Variants in MYO1C observed in about 807,000 individuals in gnomAD.
MYO1C encodes the protein unconventional myosin-Ic.
MYO1C carries 104 observed loss-of-function variants against 150.8 expected under a neutral mutation model. The ratio of observed to expected loss-of-function variants is 0.69; its 90% CI spans 0.59 to 0.81. The LOEUF (loss-of-function observed/expected upper bound fraction) is 0.81. Among genes scored for constraint, MYO1C ranks in the 30% least tolerant of loss-of-function variants. The pLI is 0.00. For synonymous variants in MYO1C, 663 were observed against 579.9 expected (o/e 1.14, Z -2.06); for missense variants, 1,504 against 1,435.0 (o/e 1.05, Z -0.78).
At chr17:1,475,998 TCA>T (rs1394024959) in intron 14 of MYO1C, among the ~76,000 whole-genome samples, 2 of 152,188 alleles carry the variant, frequency 1.3e-5, no homozygotes, top group South Asian at 2.1e-4. Flanking sequence ...GGGAAATGCC[TCA>T]CACAGTTAAC....
chr17:1,468,159 A>G (rs898880854), intron 27 of MYO1C, 36 bp from the exon 28 acceptor site: 7 of 1,611,742 alleles, frequency 4.3e-6, no homozygotes, highest in African/African-American at 1.3e-5. Flanking sequence ...GGCTGGGGAG[A>G]GGCTCCCAAG....
intron 1 of MYO1C, chr17:1,492,060 A>C (rs1004056850): frequency 2.8e-6 from 1 of 357,544 alleles, no homozygotes; most frequent in South Asian, 2.4e-5. Flanking sequence ...AGCCCTGCGG[A>C]CTGGAGAGGA....
intron 14 of MYO1C, among the ~76,000 whole-genome samples, chr17:1,476,808 G>A (rs566339588): frequency 6.6e-6 from 1 of 151,784 alleles, no homozygotes; most frequent in African/African-American, 2.4e-5. Context: ...CAAACAAGAA[G>A]AAGGAGGAAG....
At chr17:1,467,376 G>A in intron 30 of MYO1C, 35 bp from the exon 31 acceptor site, 1 of 1,601,542 alleles carries the variant, frequency 6.2e-7, no homozygotes, top group Non-Finnish European at 8.5e-7. Flanking sequence ...TTTTTCCATG[G>A]AGGCAGACCC....
chr17:1,484,296 C>T lies in MYO1C; in HGVS notation c.83G>A (p.Gly28Asp), dbSNP rs758159201. Reference sequence around the variant, plus strand: ...CATGGTCACCCGAACCCCGTCACTGCCCAGGGCCTGCAGAGAATGGGCCAC... The same window carrying T: ...CATGGTCACCCGAACCCCGTCACTGTCCAGGGCCTGCAGAGAATGGGCCAC... The part of the protein sequence containing the change: ...HPHRPCKLAL[G>D]SDGVRVTMES... Residue 28 changes from glycine to aspartate, a missense_variant, in exon 2 of 32, where the codon GGC becomes GAC. Gly to Asp is a moderately conservative substitution (Grantham distance 94). Coordinates refer to ENST00000648651, the MANE Select transcript of MYO1C (RefSeq NM_001080779.2). 12 of 1,609,938 alleles carry T rather than the reference C, an allele frequency of 7.5e-6. No homozygotes were observed. The East Asian group carries it at 1.6e-4, about 21-fold the overall frequency.
In MYO1C at chr17:1,483,646, TAACGCTCCATA is replaced by T. The variant is rs757929082; in HGVS notation, c.300_310del (p.His100GlnfsTer8). On this transcript the variant is annotated frameshift_variant, in exon 3 of 32. Transcript: ENST00000648651. LOFTEE classifies it high-confidence loss of function. ...CACTTCATAGAAGCTGACGCCACGG[TAACGCTCCATA>T]TGCTGCCGGCTGTAGATCTGCAGGT... 1 of 1,612,854 alleles carries T rather than the reference TAACGCTCCATA, an allele frequency of 6.2e-7. No homozygotes were observed. Among genetic ancestry groups the T allele is most frequent in the South Asian group, 1.1e-5 (1 of 90,766 alleles).
chr17:1,469,280 G>A (rs1304172588), intron 25 of MYO1C: 3 of 537,202 alleles, frequency 5.6e-6, no homozygotes, highest in African/African-American at 3.8e-5. Flanking sequence ...GGTAAATAGA[G>A]TAGACTGGGG....
chr17:1,470,395 G>A (rs999064297), intron 23 of MYO1C, 40 bp downstream of exon 23: 120 of 1,547,102 alleles, frequency 7.8e-5, no homozygotes, highest in Non-Finnish European at 1.0e-4. Flanking sequence ...CACCCCCCAC[G>A]CCCTGCTCTG....
At chr17:1,467,951 C>A (rs1263542608) in intron 28 of MYO1C, 37 bp downstream of exon 28, 1 of 1,612,906 alleles carries the variant, frequency 6.2e-7, no homozygotes, top group Non-Finnish European at 8.5e-7. Flanking sequence ...AGGGTCAGAG[C>A]AGGGCCCTCC....
chr17:1,468,540 A>C (rs1598320927), intron 25 of MYO1C, 44 bp from the exon 26 acceptor site: 2 of 1,522,458 alleles, frequency 1.3e-6, no homozygotes, highest in Non-Finnish European at 1.8e-6. Flanking sequence ...GGTGGGGAGC[A>C]CCATCTTGGG....
rs776426160 is a variant in MYO1C at position 1,475,031 on chromosome 17, G to T, written c.1576C>A (p.His526Asn). Reference protein sequence around the residue: ...TVKHHPHFLTHKLADQRTRKS... With the variant: ...TVKHHPHFLTNKLADQRTRKS... ...CTGGTCCGCTGGTCAGCCAGCTTGT[G>T]CCTGGGGGTGACAGGGAGGAAGCTG... Residue 526 changes from histidine (H) to asparagine (N), a missense_variant and splice_region_variant, in exon 15 of 32, where the codon CAC becomes AAC. His to Asn is a moderately conservative substitution (Grantham distance 68). Coordinates refer to ENST00000648651, the MANE Select transcript of MYO1C (RefSeq NM_001080779.2). The T allele has an allele frequency of 6.4e-7, 1 of 1,551,452 alleles. No individual in the cohort carries two copies. Among genetic ancestry groups the T allele is most frequent in the South Asian group, 1.2e-5 (1 of 84,136 alleles).
intron 1 of MYO1C, chr17:1,484,608 C>T: frequency 1.8e-6 from 1 of 542,674 alleles, no homozygotes; most frequent in Non-Finnish European, 3.3e-6. Flanking sequence ...TGGACGCAGG[C>T]AGGACCAGAG....
At position 1,478,253 on chromosome 17, in the gene MYO1C, A is replaced by G; in HGVS notation, c.1296-61T>C. 2.5e-6 allele frequency: 4 copies of G among 1,578,490 alleles called. No homozygotes were observed. The Admixed American group carries it at 5.0e-5, about 20-fold the overall frequency. On this transcript the variant is annotated intron_variant, in intron 11 of 31. Transcript: ENST00000648651. The surrounding 1 kb of genome is among the most constrained non-coding windows in gnomAD (Gnocchi z 6.3). Reference sequence around the variant, plus strand: ...GGGGACACAGGACCAGGAGAGGGGAAAAGCTGGACGACGCCCCTGAGCACA... The same window carrying G: ...GGGGACACAGGACCAGGAGAGGGGAGAAGCTGGACGACGCCCCTGAGCACA...
At chr17:1,480,498 G>C (rs1233626599) in intron 7 of MYO1C, 29 bp downstream of exon 7, 1 of 1,569,300 alleles carries the variant, frequency 6.4e-7, no homozygotes, top group Non-Finnish European at 8.8e-7. Context: ...GTGACAGGAG[G>C]AAAGCGAGGG....
intron 4 of MYO1C, 142 bp from the exon 5 acceptor site, chr17:1,482,700 C>T (rs1274081765): frequency 8.7e-6 from 3 of 345,166 alleles, no homozygotes; most frequent in Non-Finnish European, 1.6e-5. Flanking sequence ...CTGGGCTTCT[C>T]TCCCTGCCCT....
chr17:1,470,820 G>A (rs1188163074), intron 21 of MYO1C, 131 bp from the exon 22 acceptor site: 4 of 991,430 alleles, frequency 4.0e-6, no homozygotes, highest in Non-Finnish European at 6.0e-6. Flanking sequence ...GGAGAGTGGT[G>A]AAGAAGAATG....
At chr17:1,469,440 G>T in intron 25 of MYO1C, 91 bp downstream of exon 25, 1 of 1,225,140 alleles carries the variant, frequency 8.2e-7, no homozygotes, top group Non-Finnish European at 1.2e-6. Context: ...GTAGACCGGG[G>T]TAAATGCCCC....
chr17:1,469,868 C>T (rs1365990802), intron 24 of MYO1C, among the ~76,000 whole-genome samples: 1 of 152,166 alleles, frequency 6.6e-6, no homozygotes, highest in Admixed American at 6.5e-5. Flanking sequence ...AACCCCGTCT[C>T]TACTAAAAAT....
intron 3 of MYO1C, 96 bp from the exon 4 acceptor site, chr17:1,483,155 A>C (rs1179258059): frequency 8.2e-7 from 1 of 1,225,226 alleles, no homozygotes. Flanking sequence ...CTCTTGTGGG[A>C]GTCGAATACA....
Sources: gnomAD v4.1 joint callset for allele counts (sites outside exome capture counted in the v4.1 genomes callset) on GRCh38, gnomAD v4.1.1 for gene constraint, Gnocchi (gnomAD v3.1) non-coding constraint, MANE v1.5 for transcripts, NCBI Gene and HGNC (gene_info 2026-07-23, HGNC 2026-07-21) for gene names.